GLUL: variants seen among roughly 807,000 people sequenced by gnomAD.
GLUL encodes glutamate-ammonia ligase, also known as glutamine synthetase.
In GLUL, 8 loss-of-function variants were observed where a neutral mutation model predicts 36.9. The ratio of observed to expected loss-of-function variants is 0.22; its 90% CI spans 0.13 to 0.39. The LOEUF is 0.39. Among genes scored for constraint, GLUL ranks in the 10% least tolerant of loss-of-function variants. GLUL has a pLI of 1.00. For missense variants in GLUL, 315 were observed against 501.8 expected (o/e 0.63, Z 3.56); for synonymous variants, 182 against 172.8 (o/e 1.05, Z -0.42).
intron 3 of GLUL, 23 bp downstream of exon 3, chr1:182,387,108 T>G (rs371858972): frequency 2.5e-6 from 4 of 1,584,144 alleles, no homozygotes; most frequent in Non-Finnish European, 3.5e-6. Context: ...AGGAGGGGTA[T>G]CCATAGCTGT....
intron 4 of GLUL, 161 bp from the exon 5 acceptor site, chr1:182,386,048 C>G: frequency 1.1e-6 from 1 of 881,216 alleles, no homozygotes; most frequent in Non-Finnish European, 1.9e-6. Context: ...TCCTCTTCAC[C>G]ACAGCTTCAG....
At position 182,385,865 on chromosome 1, in the gene GLUL, T is replaced by C. The variant is rs1196929265; in HGVS notation, c.498A>G (p.Gly166=). 6.2e-7 allele frequency: 1 copy of C among 1,613,656 alleles called. No individual in the cohort carries two copies. Among genetic ancestry groups the C allele is most frequent in the Non-Finnish European group, 8.5e-7 (1 of 1,179,626 alleles). ...TGTCCCTGCCATAGGCTCTGTCTGC[T>C]CCCACACCACAGTAATATGGACCTA... The part of the protein sequence containing the change: ...GPQGPYYCGV[G]ADRAYGRDIV... The change falls in exon 5 of 7, where the codon GGA becomes GGG. Residue 166 remains glycine, a synonymous_variant. Transcript: ENST00000331872.
chr1:182,389,523 G>C (rs1156404145), intron 1 of GLUL: 2 of 148,506 alleles, frequency 1.3e-5, no homozygotes, highest in Non-Finnish European at 3.0e-5. Context: ...TAGTGGGCAA[G>C]AATCACAACA....
Position 182,384,579 on chromosome 1 carries a change from T to C in GLUL, c.948A>G (p.Val316=), listed in dbSNP as rs1250711901. 1 of 1,614,192 alleles carries C rather than the reference T, an allele frequency of 6.2e-7. No individual in the cohort carries two copies. Among genetic ancestry groups the C allele is most frequent in the East Asian group, 2.2e-5 (1 of 44,876 alleles). Residue 316 remains valine, a synonymous_variant, in exon 7 of 7, where the codon GTA becomes GTG. Transcript: ENST00000331872. ...TSNINDFSAG[V]ANRSASIRIP... ...TGCGTATGCTGGCGCTACGATTGGC[T>C]ACACCAGCAGAAAAGTCGTTGATGT...
rs542194970 is a variant in GLUL at position 182,385,147 on chromosome 1, T to C, written c.803+210A>G. The C allele has an allele frequency of 2.0e-5, 11 of 549,032 alleles. No homozygotes were observed. In the South Asian group the frequency reaches 2.3e-4, roughly 11 times the overall value. The allele number at this position is 549,032 out of a possible 1,614,324, so 34.0% of individuals were successfully genotyped here. ...TATCACTGTGAATCAGAAGTATTAT[T>C]TGGTATTTTTCAAATAGGAACAAAA... is the stretch of plus-strand genomic sequence containing the variant. On this transcript the variant is annotated intron_variant, in intron 6 of 6. Transcript: ENST00000331872.
At chr1:182,389,700 T>TTCTC (rs964008666) in intron 1 of GLUL, 1 of 152,162 alleles carries the variant, frequency 6.6e-6, no homozygotes, top group Non-Finnish European at 1.5e-5. Context: ...AGAGGAAACA[T>TTCTC]TCTCTCTCTC....
rs1650035772 is a variant in GLUL, at chr1:182,383,666, TGGA to T, written c.*736_*738del. On this transcript the variant is annotated 3_prime_UTR_variant, in exon 7 of 7. Coordinates refer to ENST00000331872, the MANE Select transcript of GLUL (RefSeq NM_001033044.4). ...GTCTCAAATTTGGTGCCCCGTGACC[TGGA>T]TGGTTTTTTCCTTTAGCAAAACACA... 1 of 151,084 alleles carries T rather than the reference TGGA, an allele frequency of 6.6e-6. No individual in the cohort carries two copies. Among genetic ancestry groups the T allele is most frequent in the African/African-American group, 2.5e-5 (1 of 40,362 alleles). The allele number at this position is 151,084 out of a possible 1,614,324, so 9.4% of individuals were successfully genotyped here.
rs192381983 is a variant in GLUL at position 182,389,237 on chromosome 1, C to T, written c.-13-487G>A. On this transcript the variant is annotated intron_variant, in intron 1 of 6. Transcript: ENST00000331872. The stretch of plus-strand genomic sequence containing the variant: ...CACAAATTTACAAAACATAGAACTT[C>T]TTCCAATATAAGTAAAATCCAGCCA... 1,025 of 173,510 alleles carry T rather than the reference C, an allele frequency of 5.9e-3. 8 individuals are homozygous for T. Among genetic ancestry groups the T allele is most frequent in the Non-Finnish European group, 6.4e-3 (511 of 79,288 alleles). The allele number at this position is 173,510 out of a possible 1,614,324, so 10.7% of individuals were successfully genotyped here.
Position 182,383,384 on chromosome 1 carries a change from AC to A in GLUL, c.*1020del, listed in dbSNP as rs1650021868. 2.0e-5 allele frequency: 3 copies of A among 152,220 alleles called. No individual in the cohort carries two copies. The highest frequency in any genetic ancestry group is 4.4e-5 in the Non-Finnish European group (3 of 68,044). The allele number at this position is 152,220 out of a possible 1,614,324, so 9.4% of individuals were successfully genotyped here. A position where few individuals can be genotyped will look rare whatever the true frequency, so the allele number is the denominator to read the frequency against. ...AACCCCAATACCCCCTCTGTCAGTA[AC>A]ATGCTCAAGTTGACCAGCCAACTCT... On this transcript the variant is annotated 3_prime_UTR_variant, in exon 7 of 7. Coordinates refer to ENST00000331872, the MANE Select transcript of GLUL (RefSeq NM_001033044.4).
intron 4 of GLUL, 177 bp from the exon 5 acceptor site, chr1:182,386,064 C>T: frequency 1.2e-6 from 1 of 860,068 alleles, no homozygotes; most frequent in Non-Finnish European, 2.0e-6. Context: ...TTCAGTGGGG[C>T]CAAACGTTCC....
At position 182,384,414 on chromosome 1, in the gene GLUL, G is replaced by C; in HGVS notation, c.1113C>G (p.Tyr371Ter). ...TGGAGGTCTAGTCCACTTAATTTTTGTACTGGAAGGGCTCATCGCCGGTTT... is the reference window on the plus strand; with the variant it reads ...TGGAGGTCTAGTCCACTTAATTTTTCTACTGGAAGGGCTCATCGCCGGTTT... ...LNETGDEPFQ[Y>*]KN is the part of the protein sequence containing the mutation. The change falls in exon 7 of 7, where the codon TAC becomes TAG. Residue 371 changes from tyrosine to a stop codon, truncating the protein, a stop_gained. Transcript: ENST00000331872. LOFTEE classifies it high-confidence loss of function. The C allele has an allele frequency of 6.2e-7, 1 of 1,611,630 alleles. No individual in the cohort carries two copies. Among genetic ancestry groups the C allele is most frequent in the Non-Finnish European group, 8.5e-7 (1 of 1,177,900 alleles).
intron 6 of GLUL, 58 bp downstream of exon 6, chr1:182,385,299 C>T: frequency 7.7e-7 from 1 of 1,307,024 alleles, no homozygotes; most frequent in East Asian, 2.3e-5. Context: ...ATTGCTAAGT[C>T]TCCTCCCAAG....
At chr1:182,384,759 T>G (rs769557762) in intron 6 of GLUL, 36 bp from the exon 7 acceptor site, 1 of 1,502,938 alleles carries the variant, frequency 6.7e-7, no homozygotes, top group Non-Finnish European at 9.3e-7. Flanking sequence ...TCCAACCTTG[T>G]CTCCAGGTAT....
At position 182,381,801 on chromosome 1, in the gene GLUL, G is replaced by C. The variant is rs886045599; in HGVS notation, c.*2604C>G. ...AGCAAAGGGAAGACAACTTCAGTTG[G>C]GGGGGTGGAAGCACAGATTCAATGG... On this transcript the variant is annotated 3_prime_UTR_variant, in exon 7 of 7. Coordinates refer to ENST00000331872, the MANE Select transcript of GLUL (RefSeq NM_001033044.4). 6.6e-6 allele frequency: 1 copy of C among 152,178 alleles called. No individual in the cohort carries two copies. The highest frequency in any genetic ancestry group is 2.1e-4 in the South Asian group (1 of 4,826). The allele number at this position is 152,178 out of a possible 1,614,324, so 9.4% of individuals were successfully genotyped here.
rs1558157786 is a variant in GLUL at position 182,384,741 on chromosome 1, G to A, written c.804-18C>T. The A allele has an allele frequency of 6.3e-7, 1 of 1,599,534 alleles. No homozygotes were observed. Among genetic ancestry groups the A allele is most frequent in the Non-Finnish European group, 8.6e-7 (1 of 1,166,814 alleles). On this transcript the variant is annotated intron_variant, in intron 6 of 6. Coordinates refer to ENST00000331872, the MANE Select transcript of GLUL (RefSeq NM_001033044.4). ...CGATGTACCTAGAGTAAACAGAAAA[G>A]ATGGCAGTCCAACCTTGTCTCCAGG...
At chr1:182,385,637 A>G in intron 5 of GLUL, 81 bp from the exon 6 acceptor site, 4 of 1,550,292 alleles carry the variant, frequency 2.6e-6, no homozygotes, top group Non-Finnish European at 3.6e-6. Flanking sequence ...TTCTCTTCTC[A>G]CCTGTACTCC....
At chr1:182,387,567 G>A (rs1266057189) in intron 2 of GLUL, among the ~76,000 whole-genome samples, 1 of 152,190 alleles carries the variant, frequency 6.6e-6, no homozygotes, top group African/African-American at 2.4e-5. Flanking sequence ...GAGACAAGCT[G>A]AAGCATTCTG....
Position 182,380,599 on chromosome 1 carries a change from ATTCTTT to A in GLUL, c.*3800_*3805del, listed in dbSNP as rs1649893668. 6.6e-6 allele frequency among the ~76,000 whole-genome samples: 1 copy of A among 152,232 alleles called. No homozygotes were observed. Among genetic ancestry groups the A allele is most frequent in the Non-Finnish European group, 1.5e-5 (1 of 68,032 alleles). ...GCGTAAGCCACTTCACCTGGCCTTG[ATTCTTT>A]TTAAGCTCAATAAAAATGGAACTTT... On this transcript the variant is annotated 3_prime_UTR_variant, in exon 7 of 7. Coordinates refer to ENST00000331872, the MANE Select transcript of GLUL (RefSeq NM_001033044.4).
rs1650189048 is a variant in GLUL at position 182,386,494 on chromosome 1, T to C, written c.329-92A>G. 9 of 993,874 alleles carry C rather than the reference T, an allele frequency of 9.1e-6. No individual in the cohort carries two copies. The South Asian group carries it at 1.1e-4, about 13-fold the overall frequency. The allele number at this position is 993,874 out of a possible 1,614,324, so 61.6% of individuals were successfully genotyped here. ...ATGGGAGAATAGTCCTTGGATTCTATACAACTGAGGTGTGCACTATGGTAT... is the reference window on the plus strand; with the variant it reads ...ATGGGAGAATAGTCCTTGGATTCTACACAACTGAGGTGTGCACTATGGTAT... On this transcript the variant is annotated intron_variant, in intron 3 of 6. Transcript: ENST00000331872.
Sources: gnomAD v4.1 joint callset for allele counts (sites outside exome capture counted in the v4.1 genomes callset) on GRCh38, gnomAD v4.1.1 for gene constraint, MANE v1.5 for transcripts, NCBI Gene and HGNC (gene_info 2026-07-23, HGNC 2026-07-21) for gene names.